Variants in RBM47 observed in about 807,000 individuals in gnomAD.
The protein encoded by RBM47 is RNA binding motif protein 47, also known as RNA-binding protein 47.
Under a neutral mutation model 47.1 loss-of-function variants are expected in RBM47, and 21 were observed. The ratio of observed to expected loss-of-function variants is 0.45; its 90% CI spans 0.32 to 0.64. The LOEUF (loss-of-function observed/expected upper bound fraction) is 0.64, where lower values mean the gene tolerates loss of function less well. RBM47 is among the 30% of genes least tolerant of loss of function. The probability of loss-of-function intolerance (pLI) is 0.05; values close to 1 mark genes in which losing one functional copy is unlikely to be tolerated. For synonymous variants in RBM47, 375 were observed against 361.7 expected (o/e 1.04, Z -0.42); for missense variants, 708 against 870.9 (o/e 0.81, Z 2.35).
chr4:40,532,200 C>T lies in RBM47; in HGVS notation c.-155+12222G>A, dbSNP rs192162257. On this transcript the variant is annotated intron_variant, in intron 2 of 6. Transcript: ENST00000295971. ...TAATTTTTTGTATTTTTAGTAGAGA[C>T]GGGGTTTCACTGTGTTAGCCAGGAT... 1.3e-3 allele frequency among the ~76,000 whole-genome samples: 194 copies of T among 150,062 alleles called. 2 individuals are homozygous for T. The highest frequency in any genetic ancestry group is 0.011 in the Admixed American group (170 of 14,948).
intron 2 of RBM47, among the ~76,000 whole-genome samples, chr4:40,513,457 C>G (rs776146891): frequency 6.6e-6 from 1 of 152,052 alleles, no homozygotes; most frequent in Non-Finnish European, 1.5e-5. Context: ...TGAGTTTTAA[C>G]TATTAATAAC....
intron 3 of RBM47, among the ~76,000 whole-genome samples, chr4:40,446,281 G>A (rs1399429211): frequency 6.6e-6 from 1 of 152,202 alleles, no homozygotes; most frequent in Non-Finnish European, 1.5e-5. Flanking sequence ...GAGGCACAGA[G>A]AGGCTAAGTA....
intron 2 of RBM47, among the ~76,000 whole-genome samples, chr4:40,528,803 C>A (rs917158616): frequency 1.3e-5 from 2 of 151,654 alleles, no homozygotes; most frequent in Non-Finnish European, 2.9e-5. Context: ...ATTAGCTGGG[C>A]ATGGTGGCAT....
At chr4:40,507,742 C>T (rs13126243) in intron 2 of RBM47, among the ~76,000 whole-genome samples, 39,105 of 151,186 alleles carry the variant, frequency 0.26, 5,458 homozygotes, top group African/African-American at 0.32. Flanking sequence ...CCCGAGATCG[C>T]GCCACTTCAT....
intron 1 of RBM47, among the ~76,000 whole-genome samples, chr4:40,576,931 C>T (rs1469409767): frequency 2.6e-5 from 4 of 152,134 alleles, no homozygotes; most frequent in Non-Finnish European, 5.9e-5. Flanking sequence ...TTCCCAGGGT[C>T]ACAGAGCTGG....
rs952072015 is a variant in RBM47, at chr4:40,600,215, G to C, written c.-240+29181C>G. On this transcript the variant is annotated intron_variant, in intron 1 of 6. Transcript: ENST00000295971. ...TTTTGTAGAGACAGGGTGTTGCTGT[G>C]GTGACCAGGCTGGTCTGGAATGTGT... 2.7e-5 allele frequency among the ~76,000 whole-genome samples: 4 copies of C among 150,734 alleles called. No individual in the cohort carries two copies. In the Admixed American group the frequency reaches 2.7e-4, roughly 10 times the overall value.
At chr4:40,582,670 C>T (rs1328599261) in intron 1 of RBM47, among the ~76,000 whole-genome samples, 1 of 152,234 alleles carries the variant, frequency 6.6e-6, no homozygotes, top group East Asian at 1.9e-4. Flanking sequence ...CCCCATATGC[C>T]ATACAAACTT....
chr4:40,428,556 T>A (rs925379295), intron 6 of RBM47, among the ~76,000 whole-genome samples: 3 of 152,184 alleles, frequency 2.0e-5, no homozygotes, highest in African/African-American at 7.2e-5. Context: ...TGTGTGGACG[T>A]AGGTTTAATA....
chr4:40,471,565 C>G (rs1483830889), intron 2 of RBM47, among the ~76,000 whole-genome samples: 1 of 151,864 alleles, frequency 6.6e-6, no homozygotes, highest in Non-Finnish European at 1.5e-5. Flanking sequence ...GGTGTGGTGG[C>G]ACACACCTGT....
intron 1 of RBM47, among the ~76,000 whole-genome samples, chr4:40,598,751 T>C (rs998540507): frequency 6.6e-6 from 1 of 151,818 alleles, no homozygotes; most frequent in African/African-American, 2.4e-5. Flanking sequence ...TGATTTAGGG[T>C]TTCTACATTC....
At chr4:40,502,826 G>A (rs1723554203) in intron 2 of RBM47, among the ~76,000 whole-genome samples, 1 of 151,810 alleles carries the variant, frequency 6.6e-6, no homozygotes, top group African/African-American at 2.4e-5. Context: ...AGCCTGGGTT[G>A]AGAGAGCAAA....
chr4:40,465,198 C>T (rs139103511), intron 3 of RBM47, among the ~76,000 whole-genome samples: 1,704 of 152,250 alleles, frequency 0.011, 35 homozygotes, highest in African/African-American at 0.038. Flanking sequence ...ACATCAGTGT[C>T]GCTGGCAGCC....
At chr4:40,567,486 A>G (rs1731209078) in intron 1 of RBM47, among the ~76,000 whole-genome samples, 1 of 152,074 alleles carries the variant, frequency 6.6e-6, no homozygotes, top group Non-Finnish European at 1.5e-5. Context: ...CATAAAGCCC[A>G]GCCATGACTT....
chr4:40,502,162 T>A (rs1337486684), intron 2 of RBM47: 2 of 154,372 alleles, frequency 1.3e-5, no homozygotes, highest in African/African-American at 2.4e-5. Flanking sequence ...GAGCATTTTG[T>A]AACTGTTTCT....
At chr4:40,531,248 T>G (rs921126905) in intron 2 of RBM47, among the ~76,000 whole-genome samples, 1 of 151,974 alleles carries the variant, frequency 6.6e-6, no homozygotes, top group Admixed American at 6.6e-5. Flanking sequence ...GAGCTTCAGA[T>G]GAGATCGGGA....
At chr4:40,511,542 A>C (rs1402275571) in intron 2 of RBM47, among the ~76,000 whole-genome samples, 1 of 152,244 alleles carries the variant, frequency 6.6e-6, no homozygotes, top group East Asian at 1.9e-4. Context: ...CAAGTTATTC[A>C]GGACTTAATG....
chr4:40,465,427 A>G (rs898662841), intron 3 of RBM47, among the ~76,000 whole-genome samples: 11 of 152,192 alleles, frequency 7.2e-5, no homozygotes, highest in African/African-American at 2.7e-4. Context: ...TGGGAGGCCG[A>G]GGAGGGCAGA....
At chr4:40,542,575 G>A (rs1233035318) in intron 2 of RBM47, 1 of 152,154 alleles carries the variant, frequency 6.6e-6, no homozygotes, top group Non-Finnish European at 1.5e-5. Flanking sequence ...ATGCAATCTT[G>A]GCTCACTGTA....
intron 1 of RBM47, among the ~76,000 whole-genome samples, chr4:40,549,767 G>A (rs975129564): frequency 6.6e-6 from 1 of 151,638 alleles, no homozygotes; most frequent in African/African-American, 2.4e-5. Context: ...TGCAACTTCC[G>A]CCTCCCGGGT....
Sources: allele counts gnomAD v4.1 joint callset (sites outside exome capture counted in the v4.1 genomes callset), GRCh38; gene constraint gnomAD v4.1.1; transcripts MANE v1.5; gene names NCBI Gene and HGNC (gene_info 2026-07-23, HGNC 2026-07-21).